Variants in ME3 observed in about 807,000 individuals in gnomAD.
ME3 encodes the protein malic enzyme 3, also known as NADP-dependent malic enzyme, mitochondrial.
A neutral mutation model predicts 68.9 loss-of-function variants in ME3; 48 were observed. That is an observed-to-expected ratio of 0.70 (90% CI 0.55 to 0.89). The LOEUF is 0.89. ME3 is among the 40% of genes least tolerant of loss of function. ME3 has a pLI of 0.00. For synonymous variants in ME3, 320 were observed against 318.8 expected (o/e 1.00, Z -0.04); for missense variants, 675 against 797.4 (o/e 0.85, Z 1.85).
Position 86,639,883 on chromosome 11 carries a change from G to C in ME3, c.183+31879C>G, listed in dbSNP as rs535646859. Among the ~76,000 whole-genome samples, 3 of 152,310 alleles carry C rather than the reference G, an allele frequency of 2.0e-5. No homozygotes were observed. In the South Asian group the frequency reaches 6.2e-4, roughly 32 times the overall value. On this transcript the variant is annotated intron_variant, in intron 2 of 14. Transcript: ENST00000543262. Reference sequence around the variant, plus strand: ...GGACACAGTCTTCCAACTACGTTTCGCATGAGTGGGTGATTGGGGGCAGGA... The same window carrying C: ...GGACACAGTCTTCCAACTACGTTTCCCATGAGTGGGTGATTGGGGGCAGGA...
chr11:86,506,740 T>C (rs1343305135), intron 5 of ME3, among the ~76,000 whole-genome samples: 2 of 152,234 alleles, frequency 1.3e-5, no homozygotes, highest in African/African-American at 4.8e-5. Context: ...GTGCCTCCTA[T>C]GTCCAAGTTT....
At chr11:86,556,743 A>G in intron 3 of ME3, 41 bp from the exon 4 acceptor site, 1 of 1,603,166 alleles carries the variant, frequency 6.2e-7, no homozygotes, top group Non-Finnish European at 8.5e-7. Flanking sequence ...ATGTGGTAGC[A>G]GCAGGCCCTG....
chr11:86,574,905 C>A (rs1031207985), intron 2 of ME3, among the ~76,000 whole-genome samples: 1 of 151,910 alleles, frequency 6.6e-6, no homozygotes, highest in Non-Finnish European at 1.5e-5. Context: ...CTTTAAAAAG[C>A]CTTCCATGTG....
chr11:86,526,191 G>C (rs1726927897), intron 4 of ME3, among the ~76,000 whole-genome samples: 1 of 152,236 alleles, frequency 6.6e-6, no homozygotes, highest in South Asian at 2.1e-4. Flanking sequence ...TGTTCCAACA[G>C]TCTTAGCAAA....
intron 2 of ME3, among the ~76,000 whole-genome samples, chr11:86,601,508 G>A (rs1432089689): frequency 2.0e-5 from 3 of 152,002 alleles, no homozygotes; most frequent in African/African-American, 4.8e-5. Flanking sequence ...ATTCACAGCC[G>A]AATTCTACCA....
At chr11:86,488,101 C>G (rs545813357) in intron 6 of ME3, among the ~76,000 whole-genome samples, 3 of 152,226 alleles carry the variant, frequency 2.0e-5, no homozygotes, top group East Asian at 3.9e-4. Context: ...GCTCACTTGA[C>G]CTTGGGAGGC....
intron 4 of ME3, among the ~76,000 whole-genome samples, chr11:86,525,119 G>T (rs1451587137): frequency 6.6e-6 from 1 of 152,200 alleles, no homozygotes; most frequent in East Asian, 1.9e-4. Flanking sequence ...GACAGACTTA[G>T]ACCCAAATTC....
intron 2 of ME3, among the ~76,000 whole-genome samples, chr11:86,573,489 A>G (rs570017846): frequency 8.0e-5 from 12 of 150,056 alleles, no homozygotes; most frequent in Admixed American, 6.0e-4. Context: ...TTGTATCCTG[A>G]GACTTTGCTG....
At chr11:86,662,237 C>A (rs1164875315) in intron 2 of ME3, among the ~76,000 whole-genome samples, 6 of 152,170 alleles carry the variant, frequency 3.9e-5, no homozygotes, top group Admixed American at 2.6e-4. Context: ...AATCAGGTGG[C>A]CTGAGTTCAA....
At chr11:86,455,935 C>T (rs1359225821) in intron 8 of ME3, among the ~76,000 whole-genome samples, 7 of 152,214 alleles carry the variant, frequency 4.6e-5, no homozygotes, top group Non-Finnish European at 8.8e-5. Flanking sequence ...GTATGACCCT[C>T]TTCTGAAATC....
In ME3 at chr11:86,619,359, G is replaced by C. The variant is rs188927564; in HGVS notation, c.183+52403C>G. ...AAATCGTATAATAAAGTATTAAATT[G>C]AGGGTTAAAAATATGGTACTAATTA... On this transcript the variant is annotated intron_variant, in intron 2 of 14. Coordinates refer to ENST00000543262, the Ensembl canonical transcript of ME3. 9.8e-5 allele frequency among the ~76,000 whole-genome samples: 15 copies of C among 152,310 alleles called. No homozygotes were observed. The East Asian group carries it at 2.9e-3, about 29-fold the overall frequency.
At chr11:86,509,517 G>A (rs543443436) in intron 4 of ME3, among the ~76,000 whole-genome samples, 20 of 152,224 alleles carry the variant, frequency 1.3e-4, no homozygotes, top group Non-Finnish European at 2.6e-4. Context: ...TACCTTTTGG[G>A]ATTTGCAAGT....
chr11:86,488,069 G>A (rs1241927945), intron 6 of ME3, among the ~76,000 whole-genome samples: 4 of 152,152 alleles, frequency 2.6e-5, no homozygotes, highest in Non-Finnish European at 5.9e-5. Context: ...GGTCCCAGCT[G>A]CTCAGGAGGC....
chr11:86,450,435 A>G, intron 8 of ME3, 37 bp from the exon 9 acceptor site: 1 of 1,556,416 alleles, frequency 6.4e-7, no homozygotes, highest in East Asian at 2.3e-5. Context: ...CTCTGGCCAC[A>G]GGCCGCCAGC....
At chr11:86,539,119 G>A (rs1166502635) in intron 4 of ME3, among the ~76,000 whole-genome samples, 1 of 152,102 alleles carries the variant, frequency 6.6e-6, no homozygotes, top group Non-Finnish European at 1.5e-5. Flanking sequence ...AAAAAATTGG[G>A]GTTGTTAATA....
At chr11:86,569,066 T>C (rs1226885789) in intron 2 of ME3, among the ~76,000 whole-genome samples, 5 of 152,206 alleles carry the variant, frequency 3.3e-5, no homozygotes, top group Non-Finnish European at 5.9e-5. Context: ...AGCACAGATA[T>C]TGGCACATAG....
chr11:86,498,166 C>G, intron 5 of ME3, 42 bp from the exon 6 acceptor site: 1 of 1,574,104 alleles, frequency 6.4e-7, no homozygotes, highest in South Asian at 1.2e-5. Flanking sequence ...ACAGCACTTC[C>G]TGTGACAGGG....
At chr11:86,534,868 G>C (rs1023770101) in intron 4 of ME3, among the ~76,000 whole-genome samples, 1 of 152,070 alleles carries the variant, frequency 6.6e-6, no homozygotes, top group Non-Finnish European at 1.5e-5. Flanking sequence ...TGGCCCATCT[G>C]TTACTTGTGT....
At chr11:86,504,026 C>A (rs1952898305) in intron 5 of ME3, among the ~76,000 whole-genome samples, 2 of 152,248 alleles carry the variant, frequency 1.3e-5, no homozygotes, top group African/African-American at 4.8e-5. Flanking sequence ...GCAAGTCCCA[C>A]AAAACTTCGT....
Sources: gnomAD v4.1 joint callset for allele counts (sites outside exome capture counted in the v4.1 genomes callset) on GRCh38, gnomAD v4.1.1 for gene constraint, MANE v1.5 for transcripts, NCBI Gene and HGNC (gene_info 2026-07-23, HGNC 2026-07-21) for gene names.